Variants in SEL1L2 observed in about 807,000 individuals in gnomAD.
The protein encoded by SEL1L2 is protein sel-1 homolog 2.
Under a neutral mutation model 98.8 loss-of-function variants are expected in SEL1L2, and 89 were observed. That is an observed-to-expected ratio of 0.90 (90% confidence interval 0.76 to 1.07). SEL1L2 has a LOEUF of 1.07. SEL1L2 is among the 50% of genes least tolerant of loss of function. The pLI is 0.00. For synonymous variants in SEL1L2, 262 were observed against 278.5 expected (o/e 0.94, Z 0.59); for missense variants, 788 against 812.0 (o/e 0.97, Z 0.36).
At chr20:13,896,515 C>CA (rs1252951096) in intron 5 of SEL1L2, among the ~76,000 whole-genome samples, 23 of 148,360 alleles carry the variant, frequency 1.6e-4, no homozygotes, top group African/African-American at 4.0e-4. Flanking sequence ...CTCCCCCCCC[C>CA]CCCACACACA....
chr20:13,917,366 C>T (rs1284559275), intron 4 of SEL1L2, among the ~76,000 whole-genome samples: 1 of 152,128 alleles, frequency 6.6e-6, no homozygotes, highest in African/African-American at 2.4e-5. Context: ...GTTGGTTGAA[C>T]CACCCCCTCA....
chr20:13,865,913 C>T (rs1282438789), intron 15 of SEL1L2, among the ~76,000 whole-genome samples: 1 of 151,796 alleles, frequency 6.6e-6, no homozygotes, highest in East Asian at 1.9e-4. Context: ...TATAAGGCCA[C>T]AGCTGATGTG....
chr20:13,939,296 G>A (rs1474282616), intron 2 of SEL1L2, among the ~76,000 whole-genome samples: 1 of 151,876 alleles, frequency 6.6e-6, no homozygotes, highest in Non-Finnish European at 1.5e-5. Context: ...ACTCACCTTG[G>A]CCTCCCAAAA....
At chr20:13,863,087 C>A (rs1353677532) in intron 17 of SEL1L2, among the ~76,000 whole-genome samples, 1 of 152,138 alleles carries the variant, frequency 6.6e-6, no homozygotes, top group African/African-American at 2.4e-5. Flanking sequence ...GGAGCAAGAA[C>A]TTATAAGAAT....
intron 10 of SEL1L2, among the ~76,000 whole-genome samples, chr20:13,879,191 A>G (rs1303257575): frequency 1.3e-5 from 2 of 152,180 alleles, no homozygotes; most frequent in Non-Finnish European, 2.9e-5. Flanking sequence ...GAAGAACCTG[A>G]GCAAACGAAT....
chr20:13,928,757 A>T (rs2049003024), intron 3 of SEL1L2, among the ~76,000 whole-genome samples: 1 of 152,238 alleles, frequency 6.6e-6, no homozygotes, highest in Admixed American at 6.5e-5. Flanking sequence ...AATGGTCCAA[A>T]ATGAAGTTTA....
chr20:13,894,186 G>T (rs911827000), intron 5 of SEL1L2, among the ~76,000 whole-genome samples: 2 of 152,152 alleles, frequency 1.3e-5, no homozygotes, highest in Non-Finnish European at 2.9e-5. Flanking sequence ...AAGTACTAAA[G>T]ATTAGAGTAG....
intron 10 of SEL1L2, among the ~76,000 whole-genome samples, chr20:13,881,229 G>T (rs539826743): frequency 6.6e-6 from 1 of 152,274 alleles, no homozygotes; most frequent in South Asian, 2.1e-4. Context: ...GGCCAAGATG[G>T]TCTCAATCTC....
chr20:13,857,954 G>C (rs1170162845), intron 18 of SEL1L2, among the ~76,000 whole-genome samples: 2 of 152,146 alleles, frequency 1.3e-5, no homozygotes, highest in African/African-American at 4.8e-5. Context: ...AACATCCCAA[G>C]AATTATCCAA....
chr20:13,959,601 T>A (rs895218753), intron 1 of SEL1L2, among the ~76,000 whole-genome samples: 3 of 152,218 alleles, frequency 2.0e-5, no homozygotes, highest in African/African-American at 7.2e-5. Flanking sequence ...CATATTCACC[T>A]GACCTGTCGC....
At chr20:13,909,189 A>G (rs977259443) in intron 5 of SEL1L2, among the ~76,000 whole-genome samples, 1 of 152,048 alleles carries the variant, frequency 6.6e-6, no homozygotes, top group Admixed American at 6.6e-5. Context: ...ACAGTTCCCA[A>G]TACTTCCAGC....
At chr20:13,943,184 A>G (rs1221991280) in intron 2 of SEL1L2, among the ~76,000 whole-genome samples, 2 of 152,232 alleles carry the variant, frequency 1.3e-5, no homozygotes, top group Non-Finnish European at 2.9e-5. Flanking sequence ...AATATCACCA[A>G]ATAAGAATAG....
intron 2 of SEL1L2, among the ~76,000 whole-genome samples, chr20:13,945,173 A>G (rs1011270170): frequency 6.6e-6 from 1 of 152,200 alleles, no homozygotes; most frequent in Non-Finnish European, 1.5e-5. Context: ...CTGCAATGTT[A>G]GCTGCAATTC....
intron 10 of SEL1L2, among the ~76,000 whole-genome samples, chr20:13,878,396 T>C (rs1193212463): frequency 2.6e-5 from 4 of 151,856 alleles, no homozygotes; most frequent in African/African-American, 7.3e-5. Context: ...CTCCATCTTC[T>C]GGGTTCAAGT....
chr20:13,903,880 C>G (rs1451480317), intron 5 of SEL1L2, among the ~76,000 whole-genome samples: 1 of 152,190 alleles, frequency 6.6e-6, no homozygotes, highest in Non-Finnish European at 1.5e-5. Flanking sequence ...TTTCAGAGAC[C>G]TGCTTTCACC....
chr20:13,974,677 C>G lies in SEL1L2; in HGVS notation c.58+15800G>C, dbSNP rs189607455. Reference sequence around the variant, plus strand: ...TATTTTTAGTAGAGACGGGGTCTCACCATGTTGGCCAGGCTCCCGACCTCA... The same window carrying G: ...TATTTTTAGTAGAGACGGGGTCTCAGCATGTTGGCCAGGCTCCCGACCTCA... On this transcript the variant is annotated intron_variant, in intron 1 of 19. Transcript: ENST00000284951. Among the ~76,000 whole-genome samples, 339 of 152,010 alleles carry G rather than the reference C, an allele frequency of 2.2e-3. 1 individual carries two copies. Among genetic ancestry groups the G allele is most frequent in the African/African-American group, 7.8e-3 (325 of 41,482 alleles).
At chr20:13,944,324 AG>A in intron 2 of SEL1L2, among the ~76,000 whole-genome samples, 1 of 152,348 alleles carries the variant, frequency 6.6e-6, no homozygotes, top group Admixed American at 6.5e-5. Flanking sequence ...TGAGGTGAAT[AG>A]GCTGCAATAG....
At chr20:13,868,404 C>T (rs1271514324) in intron 14 of SEL1L2, among the ~76,000 whole-genome samples, 1 of 152,018 alleles carries the variant, frequency 6.6e-6, no homozygotes, top group East Asian at 1.9e-4. Context: ...AAGTAACTCC[C>T]TCTGGGTCCT....
At chr20:13,856,949 A>G (rs1322815123) in intron 18 of SEL1L2, among the ~76,000 whole-genome samples, 1 of 152,150 alleles carries the variant, frequency 6.6e-6, no homozygotes. Flanking sequence ...GGGAAGGCCT[A>G]TTCTCCTACT....
Sources: allele counts gnomAD v4.1 joint callset (sites outside exome capture counted in the v4.1 genomes callset), GRCh38; gene constraint gnomAD v4.1.1; transcripts MANE v1.5; gene names NCBI Gene and HGNC (gene_info 2026-07-23, HGNC 2026-07-21).